CFAP57: variants seen among roughly 807,000 people sequenced by gnomAD.
The protein encoded by CFAP57 is cilia- and flagella-associated protein 57.
In CFAP57, 116 loss-of-function variants were observed where a neutral mutation model predicts 146.8. The observed-to-expected ratio is 0.79, with a 90% confidence interval of 0.68 to 0.92. The LOEUF is 0.92. CFAP57 is among the 40% of genes least tolerant of loss of function. The pLI is 0.00. For missense variants in CFAP57, 1,377 were observed against 1,527.2 expected, an observed-to-expected ratio of 0.90 and a Z score of 1.64; for synonymous variants, 518 against 552.8, an observed-to-expected ratio of 0.94 and a Z score of 0.88.
chr1:43,235,300 G>A (rs1056407402), intron 21 of CFAP57, among the ~76,000 whole-genome samples: 5 of 152,120 alleles, frequency 3.3e-5, no homozygotes, highest in South Asian at 2.1e-4. Flanking sequence ...ACACAGGCAC[G>A]TTATCAGGAC....
At chr1:43,242,652 A>G (rs1303926064) in intron 21 of CFAP57, among the ~76,000 whole-genome samples, 2 of 152,196 alleles carry the variant, frequency 1.3e-5, no homozygotes, top group African/African-American at 2.4e-5. Flanking sequence ...ATGTGGGTTC[A>G]GCAAATGAAT....
chr1:43,223,066 C>G, intron 16 of CFAP57, 69 bp downstream of exon 16: 1 of 1,477,078 alleles, frequency 6.8e-7, no homozygotes. Context: ...GGTGGGTGGA[C>G]TGACCGGCCT....
intron 5 of CFAP57, among the ~76,000 whole-genome samples, chr1:43,185,946 A>G (rs1343485982): frequency 6.6e-6 from 1 of 151,600 alleles, no homozygotes; most frequent in Non-Finnish European, 1.5e-5. Context: ...ACAAAATACA[A>G]AAAGTAGCCA....
At chr1:43,249,174 A>T (rs996140806) in intron 22 of CFAP57, among the ~76,000 whole-genome samples, 3 of 151,306 alleles carry the variant, frequency 2.0e-5, no homozygotes, top group African/African-American at 7.3e-5. Flanking sequence ...TGCTGGGATT[A>T]TAGGCGTGAG....
rs1643774951 is a variant in CFAP57, at chr1:43,195,028, T to C, written c.1123-2525T>C. The C allele has an allele frequency of 2.6e-5, 4 of 152,274 alleles. No homozygotes were observed. In the South Asian group the frequency reaches 8.3e-4, roughly 32 times the overall value. The allele number at this position is 152,274 out of a possible 1,614,324, so 9.4% of individuals were successfully genotyped here. Reference sequence around the variant, plus strand: ...AGTTTCATTACTATATTGTCAAAAATTAAAAATCCACTTATTACCAGAGAT... The same window carrying C: ...AGTTTCATTACTATATTGTCAAAAACTAAAAATCCACTTATTACCAGAGAT... On this transcript the variant is annotated intron_variant, in intron 6 of 22. Transcript: ENST00000372492.
At chr1:43,181,365 C>T (rs1225714338) in intron 2 of CFAP57, among the ~76,000 whole-genome samples, 169 bp from the exon 3 acceptor site, 1 of 152,200 alleles carries the variant, frequency 6.6e-6, no homozygotes, top group Non-Finnish European at 1.5e-5. Flanking sequence ...AGCCACCACA[C>T]CTGGCCCCTA....
chr1:43,204,453 A>G (rs1644273297), intron 9 of CFAP57, among the ~76,000 whole-genome samples: 1 of 152,132 alleles, frequency 6.6e-6, no homozygotes, highest in African/African-American at 2.4e-5. Flanking sequence ...TGAATATTTT[A>G]GACAATATAT....
Position 43,193,541 on chromosome 1 carries a change from C to G in CFAP57, c.1123-4012C>G, listed in dbSNP as rs920932190. ...TATTTCTTAGGGCTTACCATACACA[C>G]TTTAACTCATTATAATCAGATTCAG... On this transcript the variant is annotated intron_variant, in intron 6 of 22. Transcript: ENST00000372492. Among the ~76,000 whole-genome samples, 10 of 152,028 alleles carry G rather than the reference C, an allele frequency of 6.6e-5. 1 individual carries two copies. The highest frequency in any genetic ancestry group is 2.4e-4 in the African/African-American group (10 of 41,418).
chr1:43,237,619 G>A (rs1645753465), intron 21 of CFAP57, among the ~76,000 whole-genome samples: 1 of 152,216 alleles, frequency 6.6e-6, no homozygotes. Flanking sequence ...AGCCTTGAAG[G>A]GTGAGTAGAG....
rs1402091130 is a variant in CFAP57, at chr1:43,201,456, G to T, written c.1542+1953G>T. The stretch of plus-strand genomic sequence containing the variant: ...TCATTGGAAGGAAAAGTAAAAATGT[G>T]TGGAAAGTGAAAGTGCTATGTAAAC... On this transcript the variant is annotated intron_variant, in intron 9 of 22. Transcript: ENST00000372492. The surrounding 1 kb of genome is among the most constrained non-coding windows in gnomAD (Gnocchi z 4.4). Among the ~76,000 whole-genome samples the T allele has an allele frequency of 6.6e-6, 1 of 152,212 alleles. No individual in the cohort carries two copies. Among genetic ancestry groups the T allele is most frequent in the Non-Finnish European group, 1.5e-5 (1 of 68,028 alleles).
At chr1:43,246,308 A>T (rs1195787866) in intron 22 of CFAP57, among the ~76,000 whole-genome samples, 1 of 152,248 alleles carries the variant, frequency 6.6e-6, no homozygotes, top group Admixed American at 6.5e-5. Flanking sequence ...AAACAGTGTG[A>T]TACTGGCGTA....
At chr1:43,235,784 G>C (rs1313562009) in intron 21 of CFAP57, among the ~76,000 whole-genome samples, 2 of 152,228 alleles carry the variant, frequency 1.3e-5, no homozygotes, top group Non-Finnish European at 1.5e-5. Context: ...TGGGGCTCTG[G>C]AGTGCAGTGA....
chr1:43,185,345 A>C lies in CFAP57; in HGVS notation c.958A>C (p.Arg320=). 1 of 1,614,054 alleles carries C rather than the reference A, an allele frequency of 6.2e-7. No homozygotes were observed. The highest frequency in any genetic ancestry group is 8.5e-7 in the Non-Finnish European group (1 of 1,179,988). The part of the protein sequence containing the change: ...MEEKDFYRES[R]EIRIPVDPQS... Reference sequence around the variant, plus strand: ...AGAAAAGGATTTTTACCGTGAGAGCAGAGAAATCAGGGTAAGGCGGGAAGA... The same window carrying C: ...AGAAAAGGATTTTTACCGTGAGAGCCGAGAAATCAGGGTAAGGCGGGAAGA... The change falls in exon 5 of 23, where the codon AGA becomes CGA. Residue 320 remains arginine, a synonymous_variant. Coordinates refer to ENST00000372492, the MANE Select transcript of CFAP57 (RefSeq NM_001378189.1).
chr1:43,239,506 A>G (rs1002286015), intron 21 of CFAP57, among the ~76,000 whole-genome samples: 2 of 152,226 alleles, frequency 1.3e-5, no homozygotes, highest in African/African-American at 4.8e-5. Context: ...GGGCCTTTAC[A>G]GCAGAACAAG....
intron 2 of CFAP57, among the ~76,000 whole-genome samples, chr1:43,175,462 T>C (rs992296662): frequency 6.6e-6 from 1 of 151,854 alleles, no homozygotes; most frequent in Non-Finnish European, 1.5e-5. Flanking sequence ...CTTCTGGAAC[T>C]CCAAACCATC....
rs1372269471 is a variant in CFAP57 at position 43,201,129 on chromosome 1, T to C, written c.1542+1626T>C. 6.6e-6 allele frequency among the ~76,000 whole-genome samples: 1 copy of C among 152,052 alleles called. No homozygotes were observed. Among genetic ancestry groups the C allele is most frequent in the Non-Finnish European group, 1.5e-5 (1 of 68,014 alleles). On this transcript the variant is annotated intron_variant, in intron 9 of 22. Coordinates refer to ENST00000372492, the MANE Select transcript of CFAP57 (RefSeq NM_001378189.1). The surrounding 1 kb of genome is among the most constrained non-coding windows in gnomAD (Gnocchi z 4.4). ...GAGAAGTCAGGGCTGAGTATGAAGA[T>C]TCGGGGAATTAGAAAGTAGAGGAAG...
Position 43,183,732 on chromosome 1 carries a change from G to C in CFAP57, c.616G>C (p.Val206Leu), listed in dbSNP as rs773978216. The change falls in exon 4 of 23, where the codon GTG becomes CTG. Residue 206 changes from valine to leucine, a missense_variant. By Grantham distance (32) the Val-to-Leu change is conservative. Coordinates refer to ENST00000372492, the MANE Select transcript of CFAP57 (RefSeq NM_001378189.1). Reference sequence around the variant, plus strand: ...CCAAAACTATCTAGCTCACACCTGGGTGGCTGATGACAAGATTGTCGTTGG... The same window carrying C: ...CCAAAACTATCTAGCTCACACCTGGCTGGCTGATGACAAGATTGTCGTTGG... ...EPQNYLAHTWVADDKIVVGTD... is the reference protein window; with the variant it reads ...EPQNYLAHTWLADDKIVVGTD... 2 of 1,614,174 alleles carry C rather than the reference G, an allele frequency of 1.2e-6. No individual in the cohort carries two copies. Among genetic ancestry groups the C allele is most frequent in the South Asian group, 1.1e-5 (1 of 91,076 alleles).
In CFAP57 at chr1:43,172,910, G is replaced by C; in HGVS notation, c.157G>C (p.Gly53Arg). ...VDQKWQKFIP[G>R]SEKSQGMLAL... Reference sequence around the variant, plus strand: ...TCAGAAATGGCAAAAATTCATTCCAGGTAAAACTTTTTCCATCCTGACATA... The same window carrying C: ...TCAGAAATGGCAAAAATTCATTCCACGTAAAACTTTTTCCATCCTGACATA... The change falls in exon 2 of 23, where the codon GGC becomes CGC. Residue 53 changes from glycine to arginine, a missense_variant and splice_region_variant. Gly to Arg is a moderately radical substitution (Grantham distance 125). Transcript: ENST00000372492. 1 of 1,613,702 alleles carries C rather than the reference G, an allele frequency of 6.2e-7. No individual in the cohort carries two copies. The highest frequency in any genetic ancestry group is 1.3e-5 in the African/African-American group (1 of 75,002).
chr1:43,249,480 A>C lies in CFAP57; in HGVS notation c.3539-4497A>C, dbSNP rs374120770. On this transcript the variant is annotated intron_variant, in intron 22 of 22. Transcript: ENST00000372492. ...AGTCTTGCTGTGTCACCCAGGCTGG[A>C]GTGCAGTGGCGCGATCTCGGCTCAC... Among the ~76,000 whole-genome samples the C allele has an allele frequency of 8.2e-5, 9 of 110,232 alleles. No homozygotes were observed. The East Asian group carries it at 1.5e-3, about 19-fold the overall frequency. The allele number at this position is 110,232 out of a possible 152,430, so 72.3% of individuals were successfully genotyped here. A position where few individuals can be genotyped will look rare whatever the true frequency, so the allele number is the denominator to read the frequency against.
Sources: allele counts gnomAD v4.1 joint callset (sites outside exome capture counted in the v4.1 genomes callset), GRCh38; gene constraint gnomAD v4.1.1; non-coding constraint Gnocchi (gnomAD v3.1); transcripts MANE v1.5; gene names NCBI Gene and HGNC (gene_info 2026-07-23, HGNC 2026-07-21).